NICOL1: variants seen among roughly 807,000 people sequenced by gnomAD.
NICOL1 encodes the protein NELL2 interacting cell ontogeny regulator 1, also known as NELL2-interacting cell ontogeny regulator 1.
At chr4:2,042,381 G>A in the NICOL1 span, 1 of 516,556 alleles carries the variant, frequency 1.9e-6, no homozygotes, top group South Asian at 2.8e-5. Flanking sequence ...GCCGGTCCCC[G>A]ATGTCACCGC....
At chr4:2,039,960 A>C in the NICOL1 span, among the ~76,000 whole-genome samples, 229 of 152,300 alleles carry the variant, frequency 1.5e-3, 2 homozygotes, top group Admixed American at 3.1e-3. Context: ...ATTGAGAAAA[A>C]GGAATAATTT....
At chr4:2,042,792 C>A in the NICOL1 span, 1 of 1,516,818 alleles carries the variant, frequency 6.6e-7, no homozygotes. Flanking sequence ...CCTGCAGGAC[C>A]TGCGGAAGAC....
At chr4:2,037,309 G>A in the NICOL1 span, among the ~76,000 whole-genome samples, 3 of 152,274 alleles carry the variant, frequency 2.0e-5, no homozygotes, top group Admixed American at 6.5e-5. Context: ...TGGTCAGGCC[G>A]GTCTCGAACT....
chr4:2,041,729 G>T, the NICOL1 span: 1 of 439,652 alleles, frequency 2.3e-6, no homozygotes. Flanking sequence ...CTGAGCTCCA[G>T]CCACAGATTT....
chr4:2,042,369 G>T, the NICOL1 span: 538 of 513,708 alleles, frequency 1.0e-3, 1 homozygote, highest in African/African-American at 9.8e-3. Flanking sequence ...CCCCGCCCGC[G>T]TGCCGGTCCC....
At chr4:2,037,004 G>A in the NICOL1 span, among the ~76,000 whole-genome samples, 5 of 151,898 alleles carry the variant, frequency 3.3e-5, no homozygotes, top group African/African-American at 7.3e-5. Context: ...GTTGGAGGAG[G>A]GGCCTGGTGG....
chr4:2,041,095 G>A, the NICOL1 span, among the ~76,000 whole-genome samples: 8 of 151,326 alleles, frequency 5.3e-5, no homozygotes, highest in Non-Finnish European at 1.0e-4. Context: ...AGGGTCTGGC[G>A]GGAGGTGTGG....
At chr4:2,042,743 A>G in the NICOL1 span, 3 of 1,513,664 alleles carry the variant, frequency 2.0e-6, no homozygotes, top group South Asian at 1.2e-5. Context: ...CAGGCCGCCC[A>G]TGCGTGGACT....
chr4:2,036,633 G>A, the NICOL1 span, among the ~76,000 whole-genome samples: 2 of 152,190 alleles, frequency 1.3e-5, no homozygotes, highest in East Asian at 1.9e-4. Context: ...GGCGGCCCTC[G>A]AGGACAGCGT....
At chr4:2,043,019 G>A in the NICOL1 span, among the ~76,000 whole-genome samples, 1 of 152,118 alleles carries the variant, frequency 6.6e-6, no homozygotes, top group Non-Finnish European at 1.5e-5. Context: ...CCTATGAGAC[G>A]CCCCTCTCTC....
At chr4:2,036,833 G>A in the NICOL1 span, among the ~76,000 whole-genome samples, 4 of 152,158 alleles carry the variant, frequency 2.6e-5, no homozygotes, top group Non-Finnish European at 5.9e-5. Context: ...GAGTGAGTGT[G>A]TGGACGAACA....
At chr4:2,041,050 C>T in the NICOL1 span, among the ~76,000 whole-genome samples, 1 of 151,814 alleles carries the variant, frequency 6.6e-6, no homozygotes, top group East Asian at 2.0e-4. Flanking sequence ...GCGGGGCGGC[C>T]TCCAGGTAGG....
chr4:2,038,245 A>ATATATATATATATG, the NICOL1 span, among the ~76,000 whole-genome samples: 1 of 55,916 alleles, frequency 1.8e-5, no homozygotes, highest in Admixed American at 1.9e-4. Context: ...GTGTATATAT[A>ATATATATATATATG]TATATATATA....
the NICOL1 span, among the ~76,000 whole-genome samples, chr4:2,043,137 T>C: frequency 2.6e-5 from 4 of 152,180 alleles, no homozygotes; most frequent in Non-Finnish European, 5.9e-5. Context: ...GGGGAAGGAC[T>C]GTCAGCCCAA....
the NICOL1 span, among the ~76,000 whole-genome samples, chr4:2,043,605 T>C: frequency 6.6e-6 from 1 of 151,874 alleles, no homozygotes; most frequent in African/African-American, 2.4e-5. Context: ...CTGCGGGTGG[T>C]GTGGGAGCTG....
At chr4:2,041,951 G>C in the NICOL1 span, 1 of 1,452,214 alleles carries the variant, frequency 6.9e-7, no homozygotes, top group East Asian at 2.9e-5. Context: ...TTTCCATGAC[G>C]ACGACGTCGG....
At chr4:2,042,093 G>C in the NICOL1 span, 1 of 1,483,756 alleles carries the variant, frequency 6.7e-7, no homozygotes, top group Non-Finnish European at 8.9e-7. Flanking sequence ...GCGGGCGTCC[G>C]AATGGGCGTT....
At chr4:2,037,559 A>C in the NICOL1 span, among the ~76,000 whole-genome samples, 1 of 152,256 alleles carries the variant, frequency 6.6e-6, no homozygotes, top group Non-Finnish European at 1.5e-5. Flanking sequence ...GTGTTTCTTC[A>C]TATGAAAAAA....
the NICOL1 span, among the ~76,000 whole-genome samples, chr4:2,042,994 TG>T: frequency 6.6e-6 from 1 of 152,198 alleles, no homozygotes; most frequent in Non-Finnish European, 1.5e-5. Flanking sequence ...AGGGGCATTC[TG>T]GGCACCTGTC....
Sources: gnomAD v4.1 joint callset for allele counts (sites outside exome capture counted in the v4.1 genomes callset) on GRCh38, gnomAD v4.1.1 for gene constraint, MANE v1.5 for transcripts, NCBI Gene and HGNC (gene_info 2026-07-23, HGNC 2026-07-21) for gene names.